Variants in CEMIP observed in about 807,000 individuals in gnomAD.
CEMIP encodes the protein cell migration inducing hyaluronidase 1.
CEMIP carries 105 observed loss-of-function variants against 156.9 expected under a neutral mutation model. The observed-to-expected ratio is 0.67, with a 90% CI of 0.57 to 0.79. CEMIP has a LOEUF of 0.79. Ranked by LOEUF, CEMIP falls within the 30% of genes least tolerant of loss-of-function variation. The pLI is 0.00. For synonymous variants in CEMIP, 676 were observed against 668.4 expected (o/e 1.01, Z -0.17); for missense variants, 1,457 against 1,769.4 (o/e 0.82, Z 3.17).
At chr15:80,897,157 G>A (rs901362173) in intron 12 of CEMIP, 2 of 394,330 alleles carry the variant, frequency 5.1e-6, no homozygotes, top group East Asian at 7.4e-5. Flanking sequence ...GGTGTTAAAC[G>A]TATCACATGC....
intron 14 of CEMIP, among the ~76,000 whole-genome samples, chr15:80,910,458 G>A (rs759771198): frequency 6.6e-6 from 1 of 152,348 alleles, no homozygotes; most frequent in Middle Eastern, 3.4e-3. Context: ...AGCGAGCCTC[G>A]CCAACAGGCA....
At chr15:80,895,170 C>T (rs770330329) in intron 11 of CEMIP, 48 bp downstream of exon 11, 20 of 1,612,848 alleles carry the variant, frequency 1.2e-5, no homozygotes, top group Non-Finnish European at 1.4e-5. Context: ...GGCTCGGTTC[C>T]TTGAACTGGC....
chr15:80,839,289 AGTGTGTGTGTGTGTGTGT>A (rs34172431), intron 1 of CEMIP, among the ~76,000 whole-genome samples: 1 of 131,188 alleles, frequency 7.6e-6, no homozygotes, highest in Admixed American at 7.6e-5. Flanking sequence ...CAAGGCCGTG[AGTGTGTGTGTGTGTGTGT>A]GTGTGTGTGT....
intron 1 of CEMIP, among the ~76,000 whole-genome samples, chr15:80,843,483 C>T (rs186892679): frequency 3.6e-4 from 55 of 152,308 alleles, no homozygotes; most frequent in African/African-American, 1.3e-3. Context: ...GCTGGAGGGG[C>T]AGGGGGGCTG....
At chr15:80,825,087 A>T (rs1422099887) in intron 1 of CEMIP, among the ~76,000 whole-genome samples, 1 of 152,222 alleles carries the variant, frequency 6.6e-6, no homozygotes, top group African/African-American at 2.4e-5. Context: ...AGGAGGTGTC[A>T]TCAGCACCCC....
intron 1 of CEMIP, among the ~76,000 whole-genome samples, chr15:80,871,240 G>C (rs531591126): frequency 3.3e-5 from 5 of 152,182 alleles, no homozygotes; most frequent in Admixed American, 1.3e-4. Context: ...AAGAAGGCAC[G>C]GATGACCCCT....
At position 80,894,872 on chromosome 15, in the gene CEMIP, T is replaced by C. The variant is rs950959838; in HGVS notation, c.1087-118T>C. 9 of 1,243,798 alleles carry C rather than the reference T, an allele frequency of 7.2e-6. No individual in the cohort carries two copies. The Admixed American group carries it at 1.0e-4, about 14-fold the overall frequency. The allele number at this position is 1,243,798 out of a possible 1,614,324, so 77.0% of individuals were successfully genotyped here. A position where few individuals can be genotyped will look rare whatever the true frequency, so the allele number is the denominator to read the frequency against. On this transcript the variant is annotated intron_variant, in intron 10 of 29. Transcript: ENST00000394685. ...GATAATCATCTCGGGCCGTTGTAAA[T>C]AGTGTTGCAGCAGGGACAATTTTAG...
chr15:80,894,921 AT>A, intron 10 of CEMIP, 68 bp from the exon 11 acceptor site: 1 of 1,579,134 alleles, frequency 6.3e-7, no homozygotes, highest in Non-Finnish European at 8.7e-7. Flanking sequence ...TGTTTAGAAC[AT>A]TAATCAGCAC....
At chr15:80,851,082 C>T (rs533032568) in intron 1 of CEMIP, among the ~76,000 whole-genome samples, 24 of 152,224 alleles carry the variant, frequency 1.6e-4, no homozygotes, top group African/African-American at 5.5e-4. Context: ...GTCAGGCATT[C>T]GCCTGTGGAC....
chr15:80,784,178 T>C (rs901426013), intron 1 of CEMIP, among the ~76,000 whole-genome samples: 1 of 152,184 alleles, frequency 6.6e-6, no homozygotes, highest in Non-Finnish European at 1.5e-5. Flanking sequence ...TTAAAGTGCT[T>C]TGCCCAGACT....
intron 12 of CEMIP, among the ~76,000 whole-genome samples, chr15:80,905,610 AG>A (rs1730994718): frequency 6.6e-6 from 1 of 152,186 alleles, no homozygotes. Context: ...CCACAGGTTC[AG>A]GGGCTCTGAT....
At chr15:80,802,922 T>C (rs948345651) in intron 1 of CEMIP, among the ~76,000 whole-genome samples, 2 of 152,180 alleles carry the variant, frequency 1.3e-5, no homozygotes, top group Non-Finnish European at 2.9e-5. Flanking sequence ...AGAGACACTG[T>C]CTTAGTCAGT....
intron 1 of CEMIP, among the ~76,000 whole-genome samples, chr15:80,857,774 A>G (rs966858789): frequency 2.6e-5 from 4 of 152,350 alleles, no homozygotes; most frequent in African/African-American, 9.6e-5. Flanking sequence ...AAGCAAACCC[A>G]TTAGTGAATA....
intron 12 of CEMIP, among the ~76,000 whole-genome samples, chr15:80,905,404 T>C (rs1453189723): frequency 2.6e-5 from 4 of 151,440 alleles, no homozygotes; most frequent in Non-Finnish European, 1.5e-5. Flanking sequence ...CATAAAAGAG[T>C]GTGGGATTGT....
chr15:80,864,112 C>T (rs747474776), intron 1 of CEMIP, among the ~76,000 whole-genome samples: 12 of 152,196 alleles, frequency 7.9e-5, no homozygotes, highest in Non-Finnish European at 1.6e-4. Context: ...CAGGAACCTC[C>T]CTTTATCCGC....
At chr15:80,804,514 C>G (rs1240569606) in intron 1 of CEMIP, among the ~76,000 whole-genome samples, 1 of 152,022 alleles carries the variant, frequency 6.6e-6, no homozygotes, top group Admixed American at 6.5e-5. Flanking sequence ...AGTTCCTCTA[C>G]CTGAGAAACA....
At chr15:80,925,351 G>C (rs1567103949) in intron 18 of CEMIP, among the ~76,000 whole-genome samples, 1 of 152,232 alleles carries the variant, frequency 6.6e-6, no homozygotes, top group Non-Finnish European at 1.5e-5. Flanking sequence ...TGTGGGAATG[G>C]CTGTCTGAAC....
chr15:80,928,221 G>A (rs969693015), intron 19 of CEMIP, among the ~76,000 whole-genome samples: 6 of 152,090 alleles, frequency 3.9e-5, no homozygotes, highest in African/African-American at 1.2e-4. Flanking sequence ...CCTAGGGTCT[G>A]TGGTAGCACA....
chr15:80,845,840 A>C (rs1012717895), intron 1 of CEMIP, among the ~76,000 whole-genome samples: 7 of 152,168 alleles, frequency 4.6e-5, no homozygotes, highest in African/African-American at 1.7e-4. Context: ...TAGACCCTGG[A>C]GTGTCACGAA....
Sources: gnomAD v4.1 joint callset for allele counts (sites outside exome capture counted in the v4.1 genomes callset) on GRCh38, gnomAD v4.1.1 for gene constraint, MANE v1.5 for transcripts, NCBI Gene and HGNC (gene_info 2026-07-23, HGNC 2026-07-21) for gene names.